Variants in TRPM4 observed in about 807,000 individuals in gnomAD.
The protein encoded by TRPM4 is calcium-activated non-selective cation channel 1.
A neutral mutation model predicts 135.6 loss-of-function variants in TRPM4; 124 were observed. That is an observed-to-expected ratio of 0.91 (90% CI 0.79 to 1.06). The LOEUF (loss-of-function observed/expected upper bound fraction) is 1.06. TRPM4 is among the 50% of genes least tolerant of loss of function. The probability of loss-of-function intolerance (pLI) is 0.00; values close to 1 mark genes in which losing one functional copy is unlikely to be tolerated. For missense variants in TRPM4, 1,658 were observed against 1,671.4 expected (o/e 0.99, Z 0.14); for synonymous variants, 745 against 705.6 (o/e 1.06, Z -0.88).
chr19:49,197,280 T>C (rs188827486), intron 17 of TRPM4, among the ~76,000 whole-genome samples: 57 of 142,716 alleles, frequency 4.0e-4, no homozygotes, highest in East Asian at 6.1e-4. Flanking sequence ...TTTCCTTTTT[T>C]TTTCTTTCTT....
intron 17 of TRPM4, among the ~76,000 whole-genome samples, chr19:49,197,364 C>CTTTCTTTCTCTCTCTT (rs1305134354): frequency 4.1e-5 from 3 of 72,652 alleles, no homozygotes; most frequent in East Asian, 3.2e-4. Context: ...TTCTTTCTTT[C>CTTTCTTTCTCTCTCTT]TCTCTCTTTC....
At chr19:49,201,194 C>CT (rs1350936634) in intron 19 of TRPM4, among the ~76,000 whole-genome samples, 32 of 152,096 alleles carry the variant, frequency 2.1e-4, no homozygotes, top group African/African-American at 7.2e-4. Flanking sequence ...TATAACCTGA[C>CT]GCGTCTATTT....
At chr19:49,192,299 C>T (rs566249137) in intron 16 of TRPM4, among the ~76,000 whole-genome samples, 23 of 152,232 alleles carry the variant, frequency 1.5e-4, no homozygotes, top group African/African-American at 3.1e-4. Flanking sequence ...CCTGCCACCA[C>T]GCCCAGCTAA....
chr19:49,184,775 G>A (rs868591611), intron 12 of TRPM4, among the ~76,000 whole-genome samples: 5 of 151,316 alleles, frequency 3.3e-5, no homozygotes, highest in Non-Finnish European at 4.4e-5. Flanking sequence ...CACTGCGCCC[G>A]GCCTCTGTAG....
Position 49,168,732 on chromosome 19 carries a change from G to T in TRPM4, c.792G>T (p.Val264=). 6.3e-7 allele frequency: 1 copy of T among 1,586,888 alleles called. No individual in the cohort carries two copies. The highest frequency in any genetic ancestry group is 2.3e-5 in the East Asian group (1 of 43,616). Residue 264 remains valine (V), a synonymous_variant, in exon 6 of 25, where the codon GTG becomes GTT. Coordinates refer to ENST00000252826, the MANE Select transcript of TRPM4 (RefSeq NM_017636.4). The part of the protein sequence containing the change: ...ESYISQQKTG[V]GGTGIDIPVL... ...ACATCTCACAGCAGAAGACGGGCGT[G>T]GGAGGTGAGTGGTCGAACCCATGAC...
At chr19:49,164,131 A>C (rs187110194) in intron 2 of TRPM4, among the ~76,000 whole-genome samples, 10 of 152,310 alleles carry the variant, frequency 6.6e-5, no homozygotes, top group African/African-American at 2.4e-4. Context: ...GTGTAAATAC[A>C]GGTCTCCCCT....
In TRPM4 at chr19:49,204,750, G is replaced by A. The variant is rs111287476; in HGVS notation, c.3131+2609G>A. 8.4e-3 allele frequency among the ~76,000 whole-genome samples: 1,262 copies of A among 150,714 alleles called. 19 individuals carry two copies. The highest frequency in any genetic ancestry group is 0.029 in the African/African-American group (1,200 of 41,054). ...TTATTTATTTATTTTTAGTAGAAACGGGGTTTCACCATGTTATCCAGGATG... is the reference window on the plus strand; with the variant it reads ...TTATTTATTTATTTTTAGTAGAAACAGGGTTTCACCATGTTATCCAGGATG... On this transcript the variant is annotated intron_variant, in intron 20 of 24. Coordinates refer to ENST00000252826, the MANE Select transcript of TRPM4 (RefSeq NM_017636.4).
intron 17 of TRPM4, 43 bp downstream of exon 17, chr19:49,196,917 C>A: frequency 6.5e-7 from 1 of 1,527,398 alleles, no homozygotes; most frequent in South Asian, 1.2e-5. Context: ...CTGGCCACCT[C>A]TCATCCTTCC....
At position 49,202,082 on chromosome 19, in the gene TRPM4, C is replaced by G; in HGVS notation, c.3072C>G (p.Leu1024=). The G allele has an allele frequency of 2.5e-6, 4 of 1,614,094 alleles. No individual in the cohort carries two copies. The highest frequency in any genetic ancestry group is 3.4e-6 in the Non-Finnish European group (4 of 1,180,022). ...CCAACTGGCTGGTGGTGCTGCTCCT[C>G]GTCATCTTCCTGCTCGTGGCCAACA... The part of the protein sequence containing the change: ...QYANWLVVLL[L]VIFLLVANIL... Residue 1024 remains leucine, a synonymous_variant, in exon 20 of 25, where the codon CTC becomes CTG. Coordinates refer to ENST00000252826, the MANE Select transcript of TRPM4 (RefSeq NM_017636.4).
chr19:49,206,721 G>A (rs1007107451), intron 20 of TRPM4, among the ~76,000 whole-genome samples: 7 of 152,170 alleles, frequency 4.6e-5, no homozygotes, highest in African/African-American at 1.7e-4. Flanking sequence ...TTACAGGTGT[G>A]AGCCACCGCG....
chr19:49,178,257 CA>C (rs1190126437), intron 9 of TRPM4, among the ~76,000 whole-genome samples: 1 of 152,056 alleles, frequency 6.6e-6, no homozygotes, highest in Non-Finnish European at 1.5e-5. Context: ...TGGGAGGTCT[CA>C]AAGCTGAAGT....
intron 20 of TRPM4, among the ~76,000 whole-genome samples, chr19:49,209,961 C>T (rs553919626): frequency 6.6e-6 from 1 of 152,076 alleles, no homozygotes; most frequent in African/African-American, 2.4e-5. Context: ...GTTAGCCAGG[C>T]TGGTCTCGAA....
At chr19:49,188,534 A>T in intron 12 of TRPM4, 107 bp from the exon 13 acceptor site, 2 of 1,496,426 alleles carry the variant, frequency 1.3e-6, no homozygotes, top group Non-Finnish European at 1.9e-6. Context: ...GCCTCTGATG[A>T]CCCCAGTTAG....
In TRPM4 at chr19:49,157,901, G is replaced by T; in HGVS notation, c.24+11G>T. On this transcript the variant is annotated intron_variant, in intron 1 of 24. Transcript: ENST00000252826. ...CCGGAGAAGGAGCAGGTGAGCGCCGGACCAGGGTCTGCGGGAGCGCGGAGC... is the reference window on the plus strand; with the variant it reads ...CCGGAGAAGGAGCAGGTGAGCGCCGTACCAGGGTCTGCGGGAGCGCGGAGC... 1 of 1,535,318 alleles carries T rather than the reference G, an allele frequency of 6.5e-7. No homozygotes were observed.
At chr19:49,158,599 CATT>C in intron 2 of TRPM4, 1 of 283,306 alleles carries the variant, frequency 3.5e-6, no homozygotes. Flanking sequence ...TTCATTCATT[CATT>C]CATTCATTCA....
Position 49,168,082 on chromosome 19 carries a change from G to T in TRPM4, c.433G>T (p.Ala145Ser), listed in dbSNP as rs1326380762. The change falls in exon 4 of 25, where the codon GCT (alanine) becomes TCT (serine). Residue 145 changes from alanine to serine, a missense_variant. Ala to Ser is a moderately conservative substitution (Grantham distance 99). Coordinates refer to ENST00000252826, the MANE Select transcript of TRPM4 (RefSeq NM_017636.4). ...CCTGCTGCGTCGTGGGCTGGTGCGG[G>T]CTGCCCAGAGCACAGGTGACCGAGG... ...QDLLRRGLVR[A>S]AQSTGAWIVT... The T allele has an allele frequency of 1.2e-5, 19 of 1,605,484 alleles. No homozygotes were observed. The highest frequency in any genetic ancestry group is 1.6e-5 in the Non-Finnish European group (19 of 1,178,230).
Position 49,190,139 on chromosome 19 carries a change from C to G in TRPM4, c.2020-69C>G. On this transcript the variant is annotated intron_variant, in intron 14 of 24. Transcript: ENST00000252826. ...CTGTACTCTGGAGCTGCAGTCCAAC[C>G]CTTGCTGGGCGTCTTAGGGACGGGG... is the stretch of plus-strand genomic sequence containing the variant. 3 of 1,341,370 alleles carry G rather than the reference C, an allele frequency of 2.2e-6. No homozygotes were observed. In the South Asian group the frequency reaches 3.5e-5, roughly 16 times the overall value. 83.1% of individuals were successfully genotyped at this position (1,341,370 alleles called of 1,614,324 possible).
At chr19:49,188,803 G>T (rs201363688) in intron 13 of TRPM4, 33 bp downstream of exon 13, 44 of 1,613,094 alleles carry the variant, frequency 2.7e-5, no homozygotes, top group Non-Finnish European at 3.6e-5. Flanking sequence ...GAGCAGGGAC[G>T]GGGGCTGCCG....
At chr19:49,161,325 T>C (rs1050850522) in intron 2 of TRPM4, among the ~76,000 whole-genome samples, 4 of 76,970 alleles carry the variant, frequency 5.2e-5, no homozygotes, top group African/African-American at 1.0e-4. Flanking sequence ...CTCTCTCTCT[T>C]TTTTTTTTTT....
Sources: gnomAD v4.1 joint callset for allele counts (sites outside exome capture counted in the v4.1 genomes callset) on GRCh38, gnomAD v4.1.1 for gene constraint, MANE v1.5 for transcripts, NCBI Gene and HGNC (gene_info 2026-07-23, HGNC 2026-07-21) for gene names.